Variants in SNRNP200 observed in about 807,000 individuals in gnomAD.
The protein encoded by SNRNP200 is U5 small nuclear ribonucleoprotein 200 kDa helicase.
Under a neutral mutation model 255.2 loss-of-function variants are expected in SNRNP200, and 66 were observed. That is an observed-to-expected ratio of 0.26 (90% CI 0.21 to 0.32). SNRNP200 has a LOEUF of 0.32. SNRNP200 is among the 10% of genes least tolerant of loss of function. The pLI, the probability that SNRNP200 is intolerant of heterozygous loss-of-function variation, is 1.00. For synonymous variants in SNRNP200, 939 were observed against 1,027.8 expected (o/e 0.91, Z 1.65); for missense variants, 1,585 against 2,749.8 (o/e 0.58, Z 9.47).
At chr2:96,301,084 C>T (rs761824228) in intron 4 of SNRNP200, 31 bp from the exon 5 acceptor site, 1 of 1,601,196 alleles carries the variant, frequency 6.2e-7, no homozygotes, top group South Asian at 1.1e-5. Flanking sequence ...AAAAAGAGGG[C>T]AGTGAATGGC....
chr2:96,291,668 A>ACAGT lies in SNRNP200; in HGVS notation c.2310+79_2310+82dup, dbSNP rs2063884852. Reference sequence around the variant, plus strand: ...CCATGGGAAACAACAATACCACAGTACAGTCCTAGAGGAGCTGTCTGGGGC... The same window carrying ACAGT: ...CCATGGGAAACAACAATACCACAGTACAGTCAGTCCTAGAGGAGCTGTCTGGGGC... On this transcript the variant is annotated intron_variant, in intron 17 of 44. Transcript: ENST00000323853. The surrounding 1 kb of genome is among the most constrained non-coding windows in gnomAD (Gnocchi z 4.2). The ACAGT allele has an allele frequency of 5.4e-6, 8 of 1,492,224 alleles. No homozygotes were observed. Among genetic ancestry groups the ACAGT allele is most frequent in the African/African-American group, 1.4e-5 (1 of 72,776 alleles). 92.4% of individuals were successfully genotyped at this position (1,492,224 alleles called of 1,614,324 possible). A position where few individuals can be genotyped will look rare whatever the true frequency, so the allele number is the denominator to read the frequency against.
At chr2:96,296,449 AT>A in intron 13 of SNRNP200, 86 bp downstream of exon 13, 1 of 1,357,422 alleles carries the variant, frequency 7.4e-7, no homozygotes, top group Non-Finnish European at 1.0e-6. Flanking sequence ...AGATGCCCTA[AT>A]ACAAGAAGCG....
intron 36 of SNRNP200, 130 bp downstream of exon 36, chr2:96,279,321 A>G (rs1684721292): frequency 1.3e-6 from 1 of 766,298 alleles, no homozygotes; most frequent in African/African-American, 1.7e-5. Context: ...GGCTCGTCAC[A>G]AAAGAATTGT....
Position 96,274,859 on chromosome 2 carries a change from G to A in SNRNP200, c.*153C>T. On this transcript the variant is annotated 3_prime_UTR_variant, in exon 45 of 45. Transcript: ENST00000323853. ...TGTCACTGGATCCAGAGTGAGCAAG[G>A]GAAAGGAAGTGGAGGTAGGCGGGGA... 1 of 811,124 alleles carries A rather than the reference G, an allele frequency of 1.2e-6. No homozygotes were observed. The highest frequency in any genetic ancestry group is 2.1e-6 in the Non-Finnish European group (1 of 469,044). The allele number at this position is 811,124 out of a possible 1,614,324, so 50.2% of individuals were successfully genotyped here.
chr2:96,290,914 G>A lies in SNRNP200; in HGVS notation c.2422-99C>T. The A allele has an allele frequency of 1.3e-6, 2 of 1,494,212 alleles. No homozygotes were observed. The highest frequency in any genetic ancestry group is 1.9e-6 in the Non-Finnish European group (2 of 1,080,740). 92.6% of individuals were successfully genotyped at this position (1,494,212 alleles called of 1,614,324 possible). A position where few individuals can be genotyped will look rare whatever the true frequency, so the allele number is the denominator to read the frequency against. On this transcript the variant is annotated intron_variant, in intron 18 of 44. Coordinates refer to ENST00000323853, the MANE Select transcript of SNRNP200 (RefSeq NM_014014.5). This position sits in a 1 kb window ranked among gnomAD's most constrained non-coding sequence, Gnocchi z 4.5. ...CAGTTGGCCTCAGAGCTTCTCTCAG[G>A]ACTAGCCGGTAGGGCGCGTGGGGTC...
rs375172360 is a variant in SNRNP200 at position 96,293,436 on chromosome 2, A to G, written c.1916T>C (p.Ile639Thr). The change falls in exon 15 of 45, where the codon ATT becomes ACT. Residue 639 changes from isoleucine to threonine, a missense_variant. Coordinates refer to ENST00000323853, the MANE Select transcript of SNRNP200 (RefSeq NM_014014.5). ...EALVARAIRNIEMTQEDVRLI... is the reference protein window; with the variant it reads ...EALVARAIRNTEMTQEDVRLI... Reference sequence around the variant, plus strand: ...TCGGACATCCTCTTGGGTCATCTCAATGTTTCGGATGGCCCTGGCCACTAA... The same window carrying G: ...TCGGACATCCTCTTGGGTCATCTCAGTGTTTCGGATGGCCCTGGCCACTAA... 1.2e-5 allele frequency: 20 copies of G among 1,613,376 alleles called. No homozygotes were observed. Among genetic ancestry groups the G allele is most frequent in the Non-Finnish European group, 1.7e-5 (20 of 1,180,018 alleles).
Position 96,283,758 on chromosome 2 carries a change from G to C in SNRNP200, c.4585-45C>G. The C allele has an allele frequency of 1.9e-6, 3 of 1,613,888 alleles. No individual in the cohort carries two copies. Among genetic ancestry groups the C allele is most frequent in the Non-Finnish European group, 2.5e-6 (3 of 1,179,916 alleles). ...AAAGACACCAAGGTTATCAGACCTG[G>C]GTCACTCAGGATCTATGTGACACCC... On this transcript the variant is annotated intron_variant, in intron 32 of 44. Coordinates refer to ENST00000323853, the MANE Select transcript of SNRNP200 (RefSeq NM_014014.5). This position sits in a 1 kb window ranked among gnomAD's most constrained non-coding sequence, Gnocchi z 4.7.
intron 23 of SNRNP200, 128 bp downstream of exon 23, chr2:96,288,909 A>C: frequency 1.9e-6 from 2 of 1,050,980 alleles, no homozygotes; most frequent in Non-Finnish European, 2.9e-6. Flanking sequence ...ACATGCGAGA[A>C]GGCTGCAAAA....
intron 31 of SNRNP200, 175 bp downstream of exon 31, chr2:96,284,183 G>A (rs1433749381): frequency 2.3e-6 from 2 of 851,512 alleles, no homozygotes; most frequent in Non-Finnish European, 3.8e-6. Flanking sequence ...AAACAATACT[G>A]TTTTCCTAAA....
Position 96,287,448 on chromosome 2 carries a change from T to C in SNRNP200, c.3475A>G (p.Asn1159Asp), listed in dbSNP as rs755662756. 5.0e-6 allele frequency: 8 copies of C among 1,607,566 alleles called. No individual in the cohort carries two copies. The highest frequency in any genetic ancestry group is 6.8e-6 in the Non-Finnish European group (8 of 1,173,986). The part of the protein sequence containing the change: ...PFERLYDLNH[N>D]EIGELIRMPK... ...AGAGCATCCCACACACCAATCTCATTATGATTCAGGTCGTACAGACGCTCA... is the reference window on the plus strand; with the variant it reads ...AGAGCATCCCACACACCAATCTCATCATGATTCAGGTCGTACAGACGCTCA... Residue 1159 changes from asparagine to aspartate, a missense_variant, in exon 26 of 45, where the codon AAT (asparagine) becomes GAT (aspartate). Physicochemically the swap from Asn to Asp is conservative, Grantham distance 23. Around this residue, in one of 9 missense-constraint regions of SNRNP200, gnomAD observed 719 missense variants for 1,091.1 expected, o/e 0.66. Coordinates refer to ENST00000323853, the MANE Select transcript of SNRNP200 (RefSeq NM_014014.5). This position sits in a 1 kb window ranked among gnomAD's most constrained non-coding sequence, Gnocchi z 5.7.
chr2:96,304,788 G>A lies in SNRNP200; in HGVS notation c.126C>T (p.Ser42=). The change falls in exon 2 of 45, where the codon TCC becomes TCT. Residue 42 remains serine, a synonymous_variant. Coordinates refer to ENST00000323853, the MANE Select transcript of SNRNP200 (RefSeq NM_014014.5). ...RRDEPTGEVL[S]LVGKLEGTRM... ...GGGTGCCCTCCAGCTTCCCAACAAG[G>A]GACAGCACCTCTCCTGTGGGTTCAT... The A allele has an allele frequency of 6.2e-7, 1 of 1,614,148 alleles. No individual in the cohort carries two copies.
rs1216850753 is a variant in SNRNP200 at position 96,298,696 on chromosome 2, T to C, written c.889A>G (p.Ser297Gly). Residue 297 changes from serine (S) to glycine (G), a missense_variant, in exon 8 of 45, where the codon AGT becomes GGT. By Grantham distance (56) the Ser-to-Gly change is moderately conservative. This residue lies in a region of SNRNP200 where 383 missense variants were observed against 645.3 expected (regional missense o/e 0.59). Transcript: ENST00000323853. Reference protein sequence around the residue: ...DEVLEILKTASDDRECENQLV... With the variant: ...DEVLEILKTAGDDRECENQLV... ...TGATTTTCACATTCCCGATCATCAC[T>C]GGCCGTCTGCAGAGAGCAGGTAACA... 2 of 1,614,208 alleles carry C rather than the reference T, an allele frequency of 1.2e-6. No homozygotes were observed. The highest frequency in any genetic ancestry group is 1.7e-6 in the Non-Finnish European group (2 of 1,180,028).
At position 96,278,731 on chromosome 2, in the gene SNRNP200, G is replaced by A. The variant is rs772042954; in HGVS notation, c.5324-20C>T. The A allele has an allele frequency of 6.2e-7, 1 of 1,614,224 alleles. No individual in the cohort carries two copies. The highest frequency in any genetic ancestry group is 8.5e-7 in the Non-Finnish European group (1 of 1,180,040). Reference sequence around the variant, plus strand: ...AGATGCCTATGGAGGCGAGAGGTGAGTGGGGAGCCTCAAGAAGATGCCCAG... The same window carrying A: ...AGATGCCTATGGAGGCGAGAGGTGAATGGGGAGCCTCAAGAAGATGCCCAG... On this transcript the variant is annotated intron_variant, in intron 37 of 44. Coordinates refer to ENST00000323853, the MANE Select transcript of SNRNP200 (RefSeq NM_014014.5). This position sits in a 1 kb window ranked among gnomAD's most constrained non-coding sequence, Gnocchi z 6.9.
Position 96,281,912 on chromosome 2 carries a change from C to T in SNRNP200, c.4926G>A (p.Gln1642=). 19 of 1,614,008 alleles carry T rather than the reference C, an allele frequency of 1.2e-5. No homozygotes were observed. The highest frequency in any genetic ancestry group is 1.6e-5 in the Non-Finnish European group (19 of 1,179,942). ...AGAGACTCCGAGAAGCCACCACCACCTGGATAGCCCCTGAGCAGTAGAGGG... is the reference window on the plus strand; with the variant it reads ...AGAGACTCCGAGAAGCCACCACCACTTGGATAGCCCCTGAGCAGTAGAGGG... The part of the protein sequence containing the change: ...VEQLFSSGAI[Q]VVVASRSLCW... Residue 1642 remains glutamine, a synonymous_variant, in exon 35 of 45, where the codon CAG becomes CAA. Coordinates refer to ENST00000323853, the MANE Select transcript of SNRNP200 (RefSeq NM_014014.5).
chr2:96,275,429 AAGAG>A (rs1238536339), intron 43 of SNRNP200, 80 bp from the exon 44 acceptor site: 1 of 1,180,850 alleles, frequency 8.5e-7, no homozygotes, highest in Admixed American at 1.7e-5. Flanking sequence ...ACAGTTACAA[AAGAG>A]AGAACAAAAA....
rs2063850220 is a variant in SNRNP200 at position 96,287,351 on chromosome 2, T to C, written c.3484+88A>G. 1.0e-5 allele frequency: 12 copies of C among 1,184,876 alleles called. 1 individual carries two copies. The South Asian group carries it at 1.2e-4, about 12-fold the overall frequency. 73.4% of individuals were successfully genotyped at this position (1,184,876 alleles called of 1,614,324 possible). A position where few individuals can be genotyped will look rare whatever the true frequency, so the allele number is the denominator to read the frequency against. ...TTGGGGAGTGAACACAGGATACTAA[T>C]GCACAGGCCTAGGAACAGGAAGACT... On this transcript the variant is annotated intron_variant, in intron 26 of 44. Transcript: ENST00000323853. This position sits in a 1 kb window ranked among gnomAD's most constrained non-coding sequence, Gnocchi z 5.7.
intron 34 of SNRNP200, 26 bp from the exon 35 acceptor site, chr2:96,281,948 C>A: frequency 6.3e-7 from 1 of 1,583,088 alleles, no homozygotes. Flanking sequence ...GAGAGGAAGG[C>A]TGAGGGCAGG....
intron 35 of SNRNP200, 89 bp from the exon 36 acceptor site, chr2:96,279,648 A>C: frequency 2.5e-6 from 2 of 791,216 alleles, no homozygotes; most frequent in Non-Finnish European, 4.4e-6. Flanking sequence ...AAGTAAGAGT[A>C]AAATGTTAAT....
Position 96,277,379 on chromosome 2 carries a change from A to G in SNRNP200, c.5932-138T>C. On this transcript the variant is annotated intron_variant, in intron 41 of 44. Transcript: ENST00000323853. The surrounding 1 kb of genome is among the most constrained non-coding windows in gnomAD (Gnocchi z 4.4). ...AACAGCTGCAGAAAGAACACAGCCC[A>G]CAGTTGGCAGGCTCTCTAGCATCTC... 7.9e-7 allele frequency: 1 copy of G among 1,270,932 alleles called. No individual in the cohort carries two copies. Among genetic ancestry groups the G allele is most frequent in the African/African-American group, 1.5e-5 (1 of 68,374 alleles). The allele number at this position is 1,270,932 out of a possible 1,614,324, so 78.7% of individuals were successfully genotyped here. A position where few individuals can be genotyped will look rare whatever the true frequency, so the allele number is the denominator to read the frequency against.
Sources: allele counts gnomAD v4.1 joint callset, GRCh38; gene constraint gnomAD v4.1.1; regional missense constraint gnomAD v4.1.1; non-coding constraint Gnocchi (gnomAD v3.1); transcripts MANE v1.5; gene names NCBI Gene and HGNC (gene_info 2026-07-23, HGNC 2026-07-21).